The following RACK1 variants were observed in gnomAD, a reference collection of about 807,000 sequenced individuals.
RACK1 encodes small ribosomal subunit protein RACK1.
Under a neutral mutation model 42.2 loss-of-function variants are expected in RACK1, and 3 were observed. The ratio of observed to expected loss-of-function variants is 0.07; its 90% CI spans 0.03 to 0.18. The LOEUF (loss-of-function observed/expected upper bound fraction) is 0.18. Ranked by LOEUF, RACK1 falls within the 10% of genes least tolerant of loss-of-function variation. The pLI is 1.00. For synonymous variants in RACK1, 181 were observed against 154.8 expected, an observed-to-expected ratio of 1.17 and a Z score of -1.25; for missense variants, 146 against 403.2, an observed-to-expected ratio of 0.36 and a Z score of 5.46.
chr5:181,243,867 A>C lies in RACK1; in HGVS notation c.-67T>G, dbSNP rs1025764756. 2.0e-6 allele frequency: 3 copies of C among 1,514,930 alleles called. No homozygotes were observed. In the African/African-American group the frequency reaches 4.2e-5, roughly 21 times the overall value. 93.8% of individuals were successfully genotyped at this position (1,514,930 alleles called of 1,614,324 possible). A position where few individuals can be genotyped will look rare whatever the true frequency, so the allele number is the denominator to read the frequency against. Reference sequence around the variant, plus strand: ...CACTGGATGGCTTAGAGAAACTAGCACCACAACCTCTCCTGCCGCCGCCTT... The same window carrying C: ...CACTGGATGGCTTAGAGAAACTAGCCCCACAACCTCTCCTGCCGCCGCCTT... On this transcript the variant is annotated 5_prime_UTR_variant, in exon 1 of 8. Transcript: ENST00000512805.
Position 181,237,202 on chromosome 5 carries a change from T to C in RACK1, c.889-160A>G, listed in dbSNP as rs554880460. ...CTGGCTCACTACAGCCTTAAGCCCC[T>C]GCAGTTCAAGAGATCCTCCCACCTC... On this transcript the variant is annotated intron_variant, in intron 7 of 7. Coordinates refer to ENST00000512805, the MANE Select transcript of RACK1 (RefSeq NM_006098.5). The C allele has an allele frequency of 3.6e-6, 5 of 1,396,462 alleles. No individual in the cohort carries two copies. The South Asian group carries it at 6.2e-5, about 17-fold the overall frequency. 86.5% of individuals were successfully genotyped at this position (1,396,462 alleles called of 1,614,324 possible). A position where few individuals can be genotyped will look rare whatever the true frequency, so the allele number is the denominator to read the frequency against.
At chr5:181,243,310 G>C (rs767225322) in intron 1 of RACK1, 1 of 1,360,720 alleles carries the variant, frequency 7.3e-7, no homozygotes, top group African/African-American at 1.5e-5. Flanking sequence ...TGGGCCGGGC[G>C]GCAGCTCAGA....
At chr5:181,242,748 A>G in intron 1 of RACK1, 1 of 351,954 alleles carries the variant, frequency 2.8e-6, no homozygotes, top group South Asian at 2.1e-5. Context: ...TTAACTAGAG[A>G]TGCGGTTTCA....
At chr5:181,237,870 G>T in intron 6 of RACK1, 151 bp from the exon 7 acceptor site, 1 of 662,790 alleles carries the variant, frequency 1.5e-6, no homozygotes, top group Non-Finnish European at 2.7e-6. Flanking sequence ...TGCCACTAGT[G>T]GAAGGATGGT....
intron 5 of RACK1, 31 bp downstream of exon 5, chr5:181,239,036 A>G (rs2113210830): frequency 7.2e-7 from 1 of 1,395,924 alleles, no homozygotes; most frequent in African/African-American, 1.4e-5. Flanking sequence ...GCTGTCTTCC[A>G]CTGAGTAGGA....
chr5:181,241,391 C>A, intron 3 of RACK1, 101 bp downstream of exon 3: 1 of 1,061,152 alleles, frequency 9.4e-7, no homozygotes. Context: ...GACTGCGCCA[C>A]TGCACTCCAG....
In RACK1 at chr5:181,236,911, G is replaced by GAA. The variant is rs201701436; in HGVS notation, c.*64_*65dup. The GAA allele has an allele frequency of 1.2e-4, 172 of 1,493,328 alleles. No individual in the cohort carries two copies. The highest frequency in any genetic ancestry group is 1.4e-4 in the Non-Finnish European group (160 of 1,119,664). The allele number at this position is 1,493,328 out of a possible 1,614,324, so 92.5% of individuals were successfully genotyped here. A position where few individuals can be genotyped will look rare whatever the true frequency, so the allele number is the denominator to read the frequency against. ...TAGAATGGAGCTTTTTTGCATATAAGAAAAAAAAACCTAAAAGTCAGAAAA... is the reference window on the plus strand; with the variant it reads ...TAGAATGGAGCTTTTTTGCATATAAGAAAAAAAAAAACCTAAAAGTCAGAAAA... On this transcript the variant is annotated 3_prime_UTR_variant, in exon 8 of 8. Coordinates refer to ENST00000512805, the MANE Select transcript of RACK1 (RefSeq NM_006098.5).
chr5:181,243,294 G>A, intron 1 of RACK1: 2 of 1,358,034 alleles, frequency 1.5e-6, no homozygotes, highest in Non-Finnish European at 1.9e-6. Flanking sequence ...GCCTCCCCAC[G>A]AGCCTTGGGC....
At chr5:181,241,999 A>C in intron 2 of RACK1, 175 bp downstream of exon 2, 1 of 784,526 alleles carries the variant, frequency 1.3e-6, no homozygotes. Context: ...CACACTCCTC[A>C]GCAATGCTGA....
intron 5 of RACK1, 104 bp downstream of exon 5, chr5:181,238,963 A>C: frequency 1.3e-6 from 1 of 798,182 alleles, no homozygotes. Flanking sequence ...TCCTCCTAAA[A>C]CCATCTTGGC....
chr5:181,243,202 A>C, intron 1 of RACK1: 5 of 1,151,348 alleles, frequency 4.3e-6, no homozygotes, highest in South Asian at 3.8e-5. Flanking sequence ...CGCAGTCAGG[A>C]ACACAGGGAT....
chr5:181,239,216 C>A, intron 4 of RACK1, 39 bp from the exon 5 acceptor site: 1 of 1,337,248 alleles, frequency 7.5e-7, no homozygotes, highest in Non-Finnish European at 1.1e-6. Flanking sequence ...CATCCTAGCT[C>A]TTGATGAGCT....
intron 2 of RACK1, 149 bp from the exon 3 acceptor site, chr5:181,241,788 T>A: frequency 1.1e-6 from 1 of 881,222 alleles, no homozygotes; most frequent in Non-Finnish European, 1.9e-6. Flanking sequence ...ACTGAGTATA[T>A]GAAAGAGAAG....
chr5:181,238,912 A>G (rs778850811), intron 5 of RACK1, 155 bp downstream of exon 5: 4 of 724,350 alleles, frequency 5.5e-6, no homozygotes, highest in African/African-American at 1.7e-5. Context: ...TGCTGAAAGT[A>G]ATCTTTGGAA....
chr5:181,238,939 C>G lies in RACK1; in HGVS notation c.636+128G>C, dbSNP rs146888890. 4.0e-4 allele frequency: 308 copies of G among 764,906 alleles called. No homozygotes were observed. The African/African-American group carries it at 4.4e-3, about 11-fold the overall frequency. The allele number at this position is 764,906 out of a possible 1,614,324, so 47.4% of individuals were successfully genotyped here. On this transcript the variant is annotated intron_variant, in intron 5 of 7. Coordinates refer to ENST00000512805, the MANE Select transcript of RACK1 (RefSeq NM_006098.5). Reference sequence around the variant, plus strand: ...TCTTTGGAAACATATTCTCAGATTGCCATTATCTCATTATCCTCCTAAAAC... The same window carrying G: ...TCTTTGGAAACATATTCTCAGATTGGCATTATCTCATTATCCTCCTAAAAC...
intron 7 of RACK1, 26 bp from the exon 8 acceptor site, chr5:181,237,068 G>A: frequency 3.1e-6 from 5 of 1,612,204 alleles, no homozygotes; most frequent in South Asian, 1.1e-5. Context: ...GACAGTGACA[G>A]GTCAGGCTGG....
chr5:181,243,528 G>T, intron 1 of RACK1, 164 bp downstream of exon 1: 2 of 1,395,218 alleles, frequency 1.4e-6, no homozygotes, highest in Non-Finnish European at 1.9e-6. Context: ...TGAGGCCTAG[G>T]CTCGGGTCCG....
chr5:181,237,917 T>C, intron 6 of RACK1, 182 bp downstream of exon 6: 2 of 683,302 alleles, frequency 2.9e-6, no homozygotes, highest in East Asian at 2.7e-5. Context: ...GAAATGCTGC[T>C]AAACATCCTG....
chr5:181,243,615 A>G, intron 1 of RACK1, 77 bp downstream of exon 1: 1 of 1,509,550 alleles, frequency 6.6e-7, no homozygotes, highest in African/African-American at 1.4e-5. Flanking sequence ...GCCACACCAC[A>G]CGCGGAATTC....
Sources: allele counts gnomAD v4.1 joint callset, GRCh38; gene constraint gnomAD v4.1.1; transcripts MANE v1.5; gene names NCBI Gene and HGNC (gene_info 2026-07-23, HGNC 2026-07-21).